Variants in PRKDC observed in about 807,000 individuals in gnomAD.
PRKDC encodes DNA-dependent protein kinase catalytic subunit.
PRKDC carries 82 observed loss-of-function variants against 486.9 expected under a neutral mutation model. The observed-to-expected ratio is 0.17, with a 90% CI of 0.14 to 0.20. The LOEUF (loss-of-function observed/expected upper bound fraction) is 0.20. Among genes scored for constraint, PRKDC ranks in the 10% least tolerant of loss-of-function variants. PRKDC has a pLI of 1.00. For missense variants in PRKDC, 4,504 were observed against 5,038.2 expected (o/e 0.89, Z 3.21); for synonymous variants, 1,895 against 1,837.0 (o/e 1.03, Z -0.81).
At position 47,807,258 on chromosome 8, in the gene PRKDC, T is replaced by C; in HGVS notation, c.9626A>G (p.Asp3209Gly). Residue 3209 changes from aspartate (D) to glycine (G), a missense_variant, in exon 69 of 86, where the codon GAT (aspartate) becomes GGT (glycine). Transcript: ENST00000314191. ...CCTGTCACTGGGGTCTCCATCTTGA[T>C]CCACATTCATACTATTATCTTCTGG... ...PLPEDNSMNV[D>G]QDGDPSDRME... The C allele has an allele frequency of 5.6e-6, 9 of 1,613,644 alleles. No homozygotes were observed. Among genetic ancestry groups the C allele is most frequent in the Non-Finnish European group, 7.6e-6 (9 of 1,179,710 alleles).
Position 47,904,986 on chromosome 8 carries a change from C to A in PRKDC, c.2935-10G>T. 6.3e-7 allele frequency: 1 copy of A among 1,577,638 alleles called. No homozygotes were observed. Among genetic ancestry groups the A allele is most frequent in the South Asian group, 1.1e-5 (1 of 89,858 alleles). ...ACAGTTGCCTTGTCACCTGAAGAAA[C>A]AATACCATTAAAGTTAATTCCCTTC... On this transcript the variant is annotated splice_polypyrimidine_tract_variant and intron_variant, in intron 25 of 85. Transcript: ENST00000314191.
At chr8:47,835,521 G>A (rs2087995425) in intron 58 of PRKDC, among the ~76,000 whole-genome samples, 1 of 146,484 alleles carries the variant, frequency 6.8e-6, no homozygotes, top group Non-Finnish European at 1.5e-5. Flanking sequence ...GGAGGCTGAG[G>A]CAGAGGAATC....
chr8:47,957,332 C>A (rs745634073), intron 2 of PRKDC, 23 bp downstream of exon 2: 2 of 1,594,334 alleles, frequency 1.3e-6, no homozygotes, highest in Non-Finnish European at 1.7e-6. Flanking sequence ...ACAAGAAAAG[C>A]AAAACCAAAA....
intron 40 of PRKDC, among the ~76,000 whole-genome samples, chr8:47,870,420 A>G (rs184890002): frequency 1.3e-5 from 2 of 152,334 alleles, no homozygotes; most frequent in African/African-American, 4.8e-5. Context: ...GAATTTTCCA[A>G]GATTGTACCA....
chr8:47,931,584 C>T (rs958869496), intron 16 of PRKDC, among the ~76,000 whole-genome samples: 2 of 151,968 alleles, frequency 1.3e-5, no homozygotes, highest in Admixed American at 1.3e-4. Flanking sequence ...CCTATCATCC[C>T]GCATGAAAAA....
intron 1 of PRKDC, among the ~76,000 whole-genome samples, 196 bp downstream of exon 1, chr8:47,959,777 T>C (rs1428731945): frequency 1.3e-5 from 2 of 152,176 alleles, no homozygotes; most frequent in African/African-American, 4.8e-5. Context: ...CTTTAAAATA[T>C]CTTTCCTCTA....
intron 58 of PRKDC, 134 bp from the exon 59 acceptor site, chr8:47,834,530 G>A (rs1197235247): frequency 3.6e-5 from 32 of 889,566 alleles, no homozygotes; most frequent in South Asian, 1.0e-4. Context: ...CAGAGGCTCT[G>A]TCAGGTCCCA....
At chr8:47,880,409 C>T (rs758159058) in intron 38 of PRKDC, among the ~76,000 whole-genome samples, 6 of 152,164 alleles carry the variant, frequency 3.9e-5, no homozygotes, top group Admixed American at 1.3e-4. Flanking sequence ...TGTTCTCCCT[C>T]GCATGGCAGA....
intron 78 of PRKDC, among the ~76,000 whole-genome samples, chr8:47,783,404 A>G (rs965613526): frequency 1.3e-5 from 2 of 152,044 alleles, no homozygotes; most frequent in Non-Finnish European, 2.9e-5. Flanking sequence ...CCTAGCCAAC[A>G]TGGTGAAACC....
At chr8:47,935,512 A>G (rs1020233990) in intron 13 of PRKDC, among the ~76,000 whole-genome samples, 8 of 151,398 alleles carry the variant, frequency 5.3e-5, no homozygotes, top group Non-Finnish European at 7.4e-5. Flanking sequence ...AAAAAAAATG[A>G]AAAAAAACTA....
At chr8:47,913,750 TA>T in intron 24 of PRKDC, 150 bp downstream of exon 24, 1 of 737,350 alleles carries the variant, frequency 1.4e-6, no homozygotes, top group Non-Finnish European at 1.9e-6. Context: ...CACTGACTTC[TA>T]ATAAGTAAGT....
In PRKDC at chr8:47,939,428, A is replaced by C. The variant is rs1589806989; in HGVS notation, c.1113+123T>G. 1.6e-5 allele frequency: 18 copies of C among 1,115,976 alleles called. No individual in the cohort carries two copies. In the East Asian group the frequency reaches 4.3e-4, roughly 27 times the overall value. The allele number at this position is 1,115,976 out of a possible 1,614,324, so 69.1% of individuals were successfully genotyped here. ...AAGTGAGCCTGTGCAGTTCACGCCC[A>C]TGTTATTCAAGGGTCTACTGTATTG... On this transcript the variant is annotated intron_variant, in intron 11 of 85. Transcript: ENST00000314191.
chr8:47,882,467 C>T (rs1358144035), intron 36 of PRKDC, among the ~76,000 whole-genome samples: 1 of 151,944 alleles, frequency 6.6e-6, no homozygotes, highest in African/African-American at 2.4e-5. Context: ...CACAAATGCA[C>T]ACTTCCTATC....
intron 25 of PRKDC, among the ~76,000 whole-genome samples, chr8:47,907,415 C>T (rs141021724): frequency 0.15 from 19,606 of 130,536 alleles, 1,530 homozygotes; most frequent in Admixed American, 0.28. Flanking sequence ...TATATATACA[C>T]ACACACACAC....
chr8:47,920,991 C>T (rs1340478897), intron 21 of PRKDC, among the ~76,000 whole-genome samples: 2 of 152,108 alleles, frequency 1.3e-5, no homozygotes, highest in Non-Finnish European at 2.9e-5. Flanking sequence ...GGGTGGCTCA[C>T]GCCTGTAATC....
chr8:47,879,447 A>G, intron 39 of PRKDC, 44 bp downstream of exon 39: 1 of 1,476,470 alleles, frequency 6.8e-7, no homozygotes, highest in South Asian at 1.3e-5. Flanking sequence ...AACAAGAAAA[A>G]AAAAACAGTG....
intron 69 of PRKDC, 130 bp downstream of exon 69, chr8:47,807,007 T>G: frequency 1.0e-6 from 1 of 977,828 alleles, no homozygotes; most frequent in Non-Finnish European, 1.4e-6. Flanking sequence ...AGTTTACTTA[T>G]AAAGAGAGAA....
At chr8:47,894,985 A>G (rs915926768) in intron 30 of PRKDC, among the ~76,000 whole-genome samples, 1 of 152,154 alleles carries the variant, frequency 6.6e-6, no homozygotes, top group African/African-American at 2.4e-5. Flanking sequence ...CTGGGGCAGG[A>G]GGATCACTTA....
At chr8:47,826,899 G>A in intron 62 of PRKDC, 38 bp from the exon 63 acceptor site, 1 of 1,518,250 alleles carries the variant, frequency 6.6e-7, no homozygotes. Flanking sequence ...TTTAGCTTGT[G>A]GTACTTGGAC....
Sources: allele counts gnomAD v4.1 joint callset (sites outside exome capture counted in the v4.1 genomes callset), GRCh38; gene constraint gnomAD v4.1.1; transcripts MANE v1.5; gene names NCBI Gene and HGNC (gene_info 2026-07-23, HGNC 2026-07-21).